The following MYO10 variants were observed in gnomAD, a reference collection of about 807,000 sequenced individuals.
MYO10 encodes the protein myosin X.
Under a neutral mutation model 257.3 loss-of-function variants are expected in MYO10, and 133 were observed. The observed-to-expected ratio is 0.52, with a 90% confidence interval of 0.45 to 0.60. The LOEUF (loss-of-function observed/expected upper bound fraction) is 0.60, where lower values mean the gene tolerates loss of function less well. Among genes scored for constraint, MYO10 ranks in the 20% least tolerant of loss-of-function variants. The pLI, the probability that MYO10 is intolerant of heterozygous loss-of-function variation, is 0.00. For missense variants in MYO10, 2,399 were observed against 2,635.7 expected, an observed-to-expected ratio of 0.91 and a Z score of 1.97; for synonymous variants, 1,104 against 1,028.6, an observed-to-expected ratio of 1.07 and a Z score of -1.40.
At chr5:16,692,580 A>T (rs1737557137) in intron 27 of MYO10, among the ~76,000 whole-genome samples, 1 of 152,124 alleles carries the variant, frequency 6.6e-6, no homozygotes. Context: ...TATTTACAGA[A>T]GAAATTATAT....
chr5:16,844,140 T>G (rs1207521459), intron 2 of MYO10, among the ~76,000 whole-genome samples: 1 of 152,204 alleles, frequency 6.6e-6, no homozygotes. Flanking sequence ...TGTTTCATTT[T>G]TCCATTCATT....
intron 19 of MYO10, chr5:16,713,227 A>G: frequency 1.2e-6 from 1 of 802,152 alleles, no homozygotes; most frequent in African/African-American, 1.9e-5. Context: ...CAGTCTCTAT[A>G]GAACAAAGTC....
chr5:16,930,013 CATGAGG>C (rs1366102326), intron 1 of MYO10, among the ~76,000 whole-genome samples: 2 of 152,160 alleles, frequency 1.3e-5, no homozygotes, highest in African/African-American at 4.8e-5. Flanking sequence ...GAATCTCAAC[CATGAGG>C]ACATTTCAAT....
intron 1 of MYO10, among the ~76,000 whole-genome samples, chr5:16,902,056 A>G (rs1004524822): frequency 2.0e-5 from 3 of 151,694 alleles, no homozygotes; most frequent in African/African-American, 7.3e-5. Flanking sequence ...TTTATTTTTT[A>G]TTTTTTTAAA....
At chr5:16,866,467 T>C (rs991940309) in intron 2 of MYO10, among the ~76,000 whole-genome samples, 1 of 152,168 alleles carries the variant, frequency 6.6e-6, no homozygotes, top group Non-Finnish European at 1.5e-5. Flanking sequence ...CTGAACCATA[T>C]GTGATTGCCG....
At chr5:16,893,648 A>AAAG (rs60239668) in intron 1 of MYO10, among the ~76,000 whole-genome samples, 23,302 of 146,690 alleles carry the variant, frequency 0.16, 2,330 homozygotes, top group East Asian at 0.29. Context: ...AAAAAAAAAA[A>AAAG]AAAAGAAAAT....
chr5:16,749,118 A>T (rs1278206342), intron 19 of MYO10, among the ~76,000 whole-genome samples: 1 of 152,084 alleles, frequency 6.6e-6, no homozygotes, highest in Non-Finnish European at 1.5e-5. Flanking sequence ...GGCTGCATGG[A>T]AACTCTAGCC....
chr5:16,681,881 G>A lies in MYO10; in HGVS notation c.4179C>T (p.Phe1393=). The A allele has an allele frequency of 6.2e-7, 1 of 1,613,900 alleles. No individual in the cohort carries two copies. The highest frequency in any genetic ancestry group is 8.5e-7 in the Non-Finnish European group (1 of 1,179,836). ...KGDTRVEGQE[F]IVRGWLHKEV... ...AGGGCAGGCAGTCACCTCTCACGAT[G>A]AATTCCTGGCCCTCCACTCTGGTGT... is the stretch of plus-strand genomic sequence containing the variant. Residue 1393 remains phenylalanine, a synonymous_variant, in exon 31 of 41, where the codon TTC becomes TTT. Coordinates refer to ENST00000513610, the MANE Select transcript of MYO10 (RefSeq NM_012334.3).
chr5:16,751,937 C>T (rs988375088), intron 19 of MYO10, among the ~76,000 whole-genome samples: 3 of 152,122 alleles, frequency 2.0e-5, no homozygotes, highest in African/African-American at 4.8e-5. Context: ...TTTCTAAATG[C>T]AAAATTCAAA....
chr5:16,666,596 CTG>C lies in MYO10; in HGVS notation c.*94_*95del, dbSNP rs945252115. On this transcript the variant is annotated 3_prime_UTR_variant, in exon 41 of 41. Transcript: ENST00000513610. Reference sequence around the variant, plus strand: ...AAGCTTCCAGAAAGCCTGGGCAGCTCTGTGTTTGTTTTGGCTGGGCATGGCAC... The same window carrying C: ...AAGCTTCCAGAAAGCCTGGGCAGCTCTGTTTGTTTTGGCTGGGCATGGCAC... The C allele has an allele frequency of 2.5e-5, 26 of 1,026,478 alleles. No individual in the cohort carries two copies. Among genetic ancestry groups the C allele is most frequent in the South Asian group, 9.6e-5 (6 of 62,750 alleles). 63.6% of individuals were successfully genotyped at this position (1,026,478 alleles called of 1,614,324 possible). A position where few individuals can be genotyped will look rare whatever the true frequency, so the allele number is the denominator to read the frequency against.
intron 29 of MYO10, among the ~76,000 whole-genome samples, chr5:16,685,032 T>C (rs1449601984): frequency 2.0e-5 from 3 of 151,064 alleles, no homozygotes; most frequent in African/African-American, 7.3e-5. Context: ...GGTGACAGAG[T>C]GAGACTCCAT....
At chr5:16,675,646 G>A (rs1426733204) in intron 34 of MYO10, among the ~76,000 whole-genome samples, 1 of 152,120 alleles carries the variant, frequency 6.6e-6, no homozygotes, top group Non-Finnish European at 1.5e-5. Context: ...GCTGAGGCAT[G>A]AGAACGACCT....
At chr5:16,884,232 A>T (rs1185757471) in intron 1 of MYO10, among the ~76,000 whole-genome samples, 3 of 152,094 alleles carry the variant, frequency 2.0e-5, no homozygotes, top group Non-Finnish European at 1.5e-5. Context: ...CTCTTATTTT[A>T]AAAATGCAAA....
At chr5:16,842,762 C>CA (rs1410921651) in intron 2 of MYO10, among the ~76,000 whole-genome samples, 1 of 151,888 alleles carries the variant, frequency 6.6e-6, no homozygotes, top group Non-Finnish European at 1.5e-5. Flanking sequence ...CCCATCTCTA[C>CA]AAAAAATTAA....
At chr5:16,797,553 G>A (rs1299676707) in intron 3 of MYO10, among the ~76,000 whole-genome samples, 4 of 152,188 alleles carry the variant, frequency 2.6e-5, no homozygotes, top group Non-Finnish European at 4.4e-5. Context: ...ATTCACAACA[G>A]CCAAAGGTGG....
At chr5:16,763,124 C>A (rs1423056636) in intron 14 of MYO10, among the ~76,000 whole-genome samples, 1 of 151,954 alleles carries the variant, frequency 6.6e-6, no homozygotes, top group Non-Finnish European at 1.5e-5. Flanking sequence ...CAATTAAGTT[C>A]TTATATAAAT....
intron 2 of MYO10, among the ~76,000 whole-genome samples, chr5:16,839,823 A>G (rs183979598): frequency 2.0e-4 from 30 of 152,226 alleles, no homozygotes; most frequent in Admixed American, 9.8e-4. Context: ...AAGTGTTCTG[A>G]GGATGTTTAA....
chr5:16,875,073 G>C (rs1423041739), intron 2 of MYO10, among the ~76,000 whole-genome samples: 9 of 152,108 alleles, frequency 5.9e-5, no homozygotes, highest in Non-Finnish European at 1.5e-5. Flanking sequence ...TAGCCCCCGT[G>C]ATTCAATTAC....
At chr5:16,792,752 C>T (rs932485548) in intron 4 of MYO10, among the ~76,000 whole-genome samples, 7 of 152,286 alleles carry the variant, frequency 4.6e-5, no homozygotes, top group Admixed American at 4.6e-4. Context: ...GGCTGCAGTG[C>T]TCACAGGCCC....
Sources: gnomAD v4.1 joint callset for allele counts (sites outside exome capture counted in the v4.1 genomes callset) on GRCh38, gnomAD v4.1.1 for gene constraint, MANE v1.5 for transcripts, NCBI Gene and HGNC (gene_info 2026-07-23, HGNC 2026-07-21) for gene names.